The following RAB37 variants were observed in gnomAD, a reference collection of about 807,000 sequenced individuals.
RAB37 encodes RAB37, member RAS oncogene family.
In RAB37, 29 loss-of-function variants were observed where a neutral mutation model predicts 33.1. That is an observed-to-expected ratio of 0.88 (90% CI 0.65 to 1.20). The LOEUF (loss-of-function observed/expected upper bound fraction) is 1.20, where lower values mean the gene tolerates loss of function less well. RAB37 is among the 50% of genes most tolerant of loss of function. The probability of loss-of-function intolerance (pLI) is 0.00; values close to 1 mark genes in which losing one functional copy is unlikely to be tolerated. For synonymous variants in RAB37, 128 were observed against 119.5 expected, an observed-to-expected ratio of 1.07 and a Z score of -0.47; for missense variants, 299 against 301.1, an observed-to-expected ratio of 0.99 and a Z score of 0.05.
intron 1 of RAB37, among the ~76,000 whole-genome samples, chr17:74,679,477 C>T (rs1179238606): frequency 1.3e-5 from 2 of 152,170 alleles, no homozygotes; most frequent in African/African-American, 4.8e-5. Context: ...TATTAAAAAT[C>T]ATCTCTGCAC....
intron 1 of RAB37, among the ~76,000 whole-genome samples, chr17:74,697,292 G>T (rs1309877973): frequency 1.3e-5 from 2 of 152,056 alleles, no homozygotes; most frequent in African/African-American, 4.8e-5. Flanking sequence ...GGTGGTTGCT[G>T]GTCCCTGTCT....
At chr17:74,708,890 T>C (rs1598278811) in intron 1 of RAB37, among the ~76,000 whole-genome samples, 1 of 145,362 alleles carries the variant, frequency 6.9e-6, no homozygotes, top group Non-Finnish European at 1.5e-5. Flanking sequence ...CACTCCAGCC[T>C]GGGCGACAGA....
intron 1 of RAB37, among the ~76,000 whole-genome samples, chr17:74,697,628 A>C (rs1567784225): frequency 6.6e-6 from 1 of 152,150 alleles, no homozygotes; most frequent in African/African-American, 2.4e-5. Flanking sequence ...AGAAAGAGGT[A>C]CAATTGTGTG....
In RAB37 at chr17:74,743,153, C is replaced by T. The variant is rs770507152; in HGVS notation, c.271C>T (p.Arg91Trp). 1.3e-5 allele frequency: 21 copies of T among 1,613,556 alleles called. No individual in the cohort carries two copies. Among genetic ancestry groups the T allele is most frequent in the Middle Eastern group, 1.6e-4 (1 of 6,084 alleles). The change falls in exon 4 of 9, where the codon CGG becomes TGG. Residue 91 changes from arginine (R) to tryptophan (W), a missense_variant. Transcript: ENST00000392613. Reference protein sequence around the residue: ...LQIWDTAGQERFRSVTHAYYR... With the variant: ...LQIWDTAGQEWFRSVTHAYYR... The stretch of plus-strand genomic sequence containing the variant: ...GATCTGGGACACCGCTGGGCAGGAA[C>T]GGTTCCGAAGCGTCACCCATGCTTA...
At chr17:74,683,763 T>A (rs2032000242) in intron 1 of RAB37, among the ~76,000 whole-genome samples, 1 of 152,220 alleles carries the variant, frequency 6.6e-6, no homozygotes, top group Admixed American at 6.5e-5. Flanking sequence ...TGGTTTTGGA[T>A]GTGCCTCGAG....
chr17:74,743,408 G>T (rs1464323958), intron 5 of RAB37, 68 bp downstream of exon 5: 5 of 1,524,986 alleles, frequency 3.3e-6, no homozygotes, highest in Non-Finnish European at 4.5e-6. Context: ...GGCTGGGGTT[G>T]CTTCCTGCCC....
intron 1 of RAB37, chr17:74,695,075 A>G: frequency 6.2e-7 from 1 of 1,606,026 alleles, no homozygotes. Context: ...CTGGGGTCCA[A>G]GAAGGAGCCT....
chr17:74,705,806 G>A (rs2033457380), intron 1 of RAB37, among the ~76,000 whole-genome samples: 1 of 152,146 alleles, frequency 6.6e-6, no homozygotes, highest in African/African-American at 2.4e-5. Context: ...TGTTGTCCAA[G>A]CTGGTCTCAA....
intron 1 of RAB37, among the ~76,000 whole-genome samples, chr17:74,684,111 G>C (rs2032007368): frequency 6.6e-6 from 1 of 151,446 alleles, no homozygotes; most frequent in Non-Finnish European, 1.5e-5. Flanking sequence ...TATTTATTGA[G>C]ACGAGTCTCT....
In RAB37 at chr17:74,722,288, A is replaced by T. The variant is rs533018617; in HGVS notation, c.73-6968A>T. ...ACAGAGCGAGACTCTGTCTCAAAAA[A>T]AAAAAAAAAAAGAAAGAGAGAGAGA... On this transcript the variant is annotated intron_variant, in intron 1 of 7. Coordinates refer to the RAB37 transcript ENST00000340415. Among the ~76,000 whole-genome samples, 6 of 152,098 alleles carry T rather than the reference A, an allele frequency of 3.9e-5. No individual in the cohort carries two copies. The South Asian group carries it at 8.3e-4, about 21-fold the overall frequency.
At chr17:74,719,928 T>C (rs1390500337) in intron 1 of RAB37, among the ~76,000 whole-genome samples, 1 of 152,214 alleles carries the variant, frequency 6.6e-6, no homozygotes, top group African/African-American at 2.4e-5. Flanking sequence ...GGCAATCCTC[T>C]TGGCCTCTAT....
chr17:74,714,255 G>A (rs1233214668), intron 1 of RAB37, among the ~76,000 whole-genome samples: 1 of 152,078 alleles, frequency 6.6e-6, no homozygotes, highest in Non-Finnish European at 1.5e-5. Context: ...GCAGAGTCAT[G>A]CATGCCTGTA....
chr17:74,745,468 C>G lies in RAB37; in HGVS notation c.*57C>G. The G allele has an allele frequency of 7.1e-7, 1 of 1,410,898 alleles. No individual in the cohort carries two copies. The highest frequency in any genetic ancestry group is 1.7e-5 in the Admixed American group (1 of 59,116). The allele number at this position is 1,410,898 out of a possible 1,614,324, so 87.4% of individuals were successfully genotyped here. A position where few individuals can be genotyped will look rare whatever the true frequency, so the allele number is the denominator to read the frequency against. ...CACACAGGATGCAGCCTTCCCCCTC[C>G]CAGGCCTGGCTTATTCCAAGAGGCT... On this transcript the variant is annotated 3_prime_UTR_variant, in exon 9 of 9. Transcript: ENST00000392613. The surrounding 1 kb of genome is among the most constrained non-coding windows in gnomAD (Gnocchi z 4.5).
Position 74,744,327 on chromosome 17 carries a change from A to G in RAB37, c.386A>G (p.His129Arg). Residue 129 changes from histidine to arginine, a missense_variant, in exon 6 of 9, where the codon CAT becomes CGT. Coordinates refer to ENST00000392613, the MANE Select transcript of RAB37 (RefSeq NM_001006638.3). The surrounding 1 kb of genome is among the most constrained non-coding windows in gnomAD (Gnocchi z 4.2). ...CCACAGGCCTGGCTCACTGAGATTC[A>G]TGAGTATGCCCAGAGGGACGTGGTG... is the stretch of plus-strand genomic sequence containing the variant. ...DNIRAWLTEI[H>R]EYAQRDVVIM... 1 of 1,614,014 alleles carries G rather than the reference A, an allele frequency of 6.2e-7. No individual in the cohort carries two copies. The highest frequency in any genetic ancestry group is 1.7e-5 in the Admixed American group (1 of 60,006).
intron 1 of RAB37, among the ~76,000 whole-genome samples, chr17:74,728,626 T>C (rs969066610): frequency 6.6e-6 from 1 of 151,980 alleles, no homozygotes; most frequent in African/African-American, 2.4e-5. Flanking sequence ...TGTGCCTCTG[T>C]ATGCATCTGT....
At chr17:74,704,883 G>C in intron 1 of RAB37, 1 of 1,261,776 alleles carries the variant, frequency 7.9e-7, no homozygotes, top group Admixed American at 2.2e-5. Flanking sequence ...TTTCTGTTTA[G>C]GGAATAGCTC....
rs951481182 is a variant in RAB37, at chr17:74,704,322, C to A, written c.73-24934C>A. The A allele has an allele frequency of 8.0e-6, 5 of 627,548 alleles. No individual in the cohort carries two copies. In the African/African-American group the frequency reaches 9.3e-5, roughly 12 times the overall value. The allele number at this position is 627,548 out of a possible 1,614,324, so 38.9% of individuals were successfully genotyped here. On this transcript the variant is annotated intron_variant, in intron 1 of 7. Transcript: ENST00000340415. ...GCCATGGGGGCATTGAAGAGAGGCC[C>A]TGCTCCCCCAGTCCCAGGTGGTCAG...
At chr17:74,708,777 G>C (rs1204303155) in intron 1 of RAB37, among the ~76,000 whole-genome samples, 1 of 152,004 alleles carries the variant, frequency 6.6e-6, no homozygotes, top group Non-Finnish European at 1.5e-5. Flanking sequence ...TTAGCCAGGC[G>C]TGGTGGCGGG....
chr17:74,731,025 G>A (rs943871960), intron 2 of RAB37, among the ~76,000 whole-genome samples: 19 of 152,216 alleles, frequency 1.2e-4, no homozygotes, highest in South Asian at 4.1e-4. Context: ...GCCAGCACCC[G>A]ATGTTCTGGT....
Sources: gnomAD v4.1 joint callset for allele counts (sites outside exome capture counted in the v4.1 genomes callset) on GRCh38, gnomAD v4.1.1 for gene constraint, Gnocchi (gnomAD v3.1) non-coding constraint, MANE v1.5 for transcripts, NCBI Gene and HGNC (gene_info 2026-07-23, HGNC 2026-07-21) for gene names.